Variants in HSD17B13 observed in about 807,000 individuals in gnomAD.
HSD17B13 encodes the protein 17-beta-hydroxysteroid dehydrogenase 13.
A neutral mutation model predicts 31.1 loss-of-function variants in HSD17B13; 26 were observed. The ratio of observed to expected loss-of-function variants is 0.84; its 90% confidence interval spans 0.61 to 1.16. The LOEUF (loss-of-function observed/expected upper bound fraction) is 1.16, where lower values mean the gene tolerates loss of function less well. Ranked by LOEUF, HSD17B13 falls within the 50% of genes most tolerant of loss-of-function variation. The probability of loss-of-function intolerance (pLI) is 0.00; values close to 1 mark genes in which losing one functional copy is unlikely to be tolerated. For missense variants in HSD17B13, 374 were observed against 366.5 expected, an observed-to-expected ratio of 1.02 and a Z score of -0.17; for synonymous variants, 141 against 133.7, an observed-to-expected ratio of 1.05 and a Z score of -0.38.
In HSD17B13 at chr4:87,312,470, G is replaced by A. The variant is rs542793728; in HGVS notation, c.695+1353C>T. 6.0e-5 allele frequency among the ~76,000 whole-genome samples: 9 copies of A among 149,308 alleles called. No homozygotes were observed. The South Asian group carries it at 1.3e-3, about 21-fold the overall frequency. ...GGCTGCTCTCAGGCTATAGGCCTCCGACTGTAGTCTTCAGTAAGGCTTCTA... is the reference window on the plus strand; with the variant it reads ...GGCTGCTCTCAGGCTATAGGCCTCCAACTGTAGTCTTCAGTAAGGCTTCTA... On this transcript the variant is annotated intron_variant, in intron 5 of 6. Transcript: ENST00000328546.
At chr4:87,317,862 G>C (rs1348381211) in intron 2 of HSD17B13, among the ~76,000 whole-genome samples, 1 of 151,824 alleles carries the variant, frequency 6.6e-6, no homozygotes, top group Non-Finnish European at 1.5e-5. Context: ...GTTTGTTAGA[G>C]TGCTTAGTTC....
At chr4:87,308,252 G>A (rs1734435576) in intron 6 of HSD17B13, among the ~76,000 whole-genome samples, 1 of 152,136 alleles carries the variant, frequency 6.6e-6, no homozygotes, top group East Asian at 1.9e-4. Flanking sequence ...AGTGGCTCAT[G>A]CCTGTAATCC....
At position 87,305,185 on chromosome 4, in the gene HSD17B13, T is replaced by G. The variant is rs371392434; in HGVS notation, c.*33A>C. 8.3e-6 allele frequency: 11 copies of G among 1,323,828 alleles called. No homozygotes were observed. The African/African-American group carries it at 1.6e-4, about 19-fold the overall frequency. 82.0% of individuals were successfully genotyped at this position (1,323,828 alleles called of 1,614,324 possible). On this transcript the variant is annotated 3_prime_UTR_variant, in exon 7 of 7. Coordinates refer to ENST00000328546, the MANE Select transcript of HSD17B13 (RefSeq NM_178135.5). ...TGATTCGAAACTATTCATATCATTATCATGCATACATCTCTGGCTGGAGCT... is the reference window on the plus strand; with the variant it reads ...TGATTCGAAACTATTCATATCATTAGCATGCATACATCTCTGGCTGGAGCT...
chr4:87,314,622 T>TTCTGTCTCTC (rs1734605113), intron 4 of HSD17B13, among the ~76,000 whole-genome samples: 2 of 142,988 alleles, frequency 1.4e-5, no homozygotes, highest in South Asian at 4.5e-4. Flanking sequence ...TAGAGTCGTT[T>TTCTGTCTCTC]TCTCTCTCTC....
intron 2 of HSD17B13, 128 bp from the exon 3 acceptor site, chr4:87,317,351 A>G: frequency 1.2e-6 from 1 of 861,116 alleles, no homozygotes; most frequent in Non-Finnish European, 1.8e-6. Flanking sequence ...GGCAAGACAG[A>G]CTGTTGAGCT....
intron 4 of HSD17B13, among the ~76,000 whole-genome samples, chr4:87,315,132 C>A (rs1734621502): frequency 1.3e-5 from 2 of 151,616 alleles, no homozygotes; most frequent in African/African-American, 4.8e-5. Context: ...ATATCCTCTC[C>A]ATTTACATAT....
intron 5 of HSD17B13, among the ~76,000 whole-genome samples, chr4:87,313,439 T>C (rs1734578796): frequency 6.6e-6 from 1 of 152,230 alleles, no homozygotes. Context: ...CTAATTTTTC[T>C]TCTCTTGTGG....
At chr4:87,307,501 T>A (rs936011306) in intron 6 of HSD17B13, among the ~76,000 whole-genome samples, 11 of 152,176 alleles carry the variant, frequency 7.2e-5, no homozygotes, top group African/African-American at 2.7e-4. Context: ...CAACTTTTAT[T>A]TTTTTTCATT....
chr4:87,320,678 C>T (rs1321263230), intron 1 of HSD17B13, among the ~76,000 whole-genome samples: 1 of 152,198 alleles, frequency 6.6e-6, no homozygotes, highest in Non-Finnish European at 1.5e-5. Context: ...TGAGCCACCG[C>T]GTCCGGCCTA....
At chr4:87,313,377 A>C (rs1478226778) in intron 5 of HSD17B13, among the ~76,000 whole-genome samples, 1 of 152,206 alleles carries the variant, frequency 6.6e-6, no homozygotes, top group Non-Finnish European at 1.5e-5. Context: ...CAGATGGCTT[A>C]ATTTTCGGGT....
rs953621267 is a variant in HSD17B13 at position 87,317,325 on chromosome 4, G to A, written c.319-102C>T. ...TGAGAGTCTTTCTTCTATTGTATGA[G>A]GTCTCTCAGAGTTCAGGCAAGACAG... is the stretch of plus-strand genomic sequence containing the variant. On this transcript the variant is annotated intron_variant, in intron 2 of 6. Transcript: ENST00000328546. The A allele has an allele frequency of 6.7e-6, 8 of 1,186,050 alleles. No homozygotes were observed. The African/African-American group carries it at 1.2e-4, about 18-fold the overall frequency. 73.5% of individuals were successfully genotyped at this position (1,186,050 alleles called of 1,614,324 possible). A position where few individuals can be genotyped will look rare whatever the true frequency, so the allele number is the denominator to read the frequency against.
intron 4 of HSD17B13, 51 bp downstream of exon 4, chr4:87,315,442 G>T: frequency 9.4e-7 from 1 of 1,064,166 alleles, no homozygotes; most frequent in Non-Finnish European, 1.4e-6. Flanking sequence ...GAAGTGTAAT[G>T]CTCCCTTCAA....
intron 6 of HSD17B13, among the ~76,000 whole-genome samples, chr4:87,309,798 A>T (rs1734485053): frequency 6.6e-6 from 1 of 152,198 alleles, no homozygotes; most frequent in Non-Finnish European, 1.5e-5. Flanking sequence ...AACAGAGGAA[A>T]TAACTGTTCT....
At chr4:87,320,840 C>T (rs774766134) in intron 1 of HSD17B13, among the ~76,000 whole-genome samples, 4 of 152,184 alleles carry the variant, frequency 2.6e-5, no homozygotes, top group Non-Finnish European at 5.9e-5. Context: ...CAAACTGCTA[C>T]TGTGTCTCTC....
At chr4:87,313,734 C>A in intron 5 of HSD17B13, 89 bp downstream of exon 5, 1 of 1,011,576 alleles carries the variant, frequency 9.9e-7, no homozygotes, top group South Asian at 1.7e-5. Flanking sequence ...TCATTTTCTT[C>A]TATTAGTTGG....
intron 6 of HSD17B13, among the ~76,000 whole-genome samples, chr4:87,308,579 G>A (rs1734447398): frequency 6.7e-6 from 1 of 148,182 alleles, no homozygotes; most frequent in South Asian, 2.1e-4. Context: ...AACTAGGGAG[G>A]CTGAGGCAGG....
chr4:87,321,339 T>A (rs1054354173), intron 1 of HSD17B13, among the ~76,000 whole-genome samples: 5 of 152,188 alleles, frequency 3.3e-5, no homozygotes, highest in Admixed American at 6.5e-5. Flanking sequence ...CCTTAAGTCA[T>A]TTTTAATACG....
At chr4:87,315,355 C>G in intron 4 of HSD17B13, 138 bp downstream of exon 4, 1 of 468,214 alleles carries the variant, frequency 2.1e-6, no homozygotes, top group Non-Finnish European at 3.8e-6. Context: ...TTCATTCTTT[C>G]CTGGCTTTGT....
At chr4:87,309,127 A>G (rs987340568) in intron 6 of HSD17B13, among the ~76,000 whole-genome samples, 1 of 152,142 alleles carries the variant, frequency 6.6e-6, no homozygotes, top group East Asian at 1.9e-4. Flanking sequence ...TCATGCCTGT[A>G]ATCCCAGCAC....
Sources: gnomAD v4.1 joint callset for allele counts (sites outside exome capture counted in the v4.1 genomes callset) on GRCh38, gnomAD v4.1.1 for gene constraint, MANE v1.5 for transcripts, NCBI Gene and HGNC (gene_info 2026-07-23, HGNC 2026-07-21) for gene names.